TERF2IP: variants seen among roughly 807,000 people sequenced by gnomAD.
The protein encoded by TERF2IP is TERF2 interacting protein.
TERF2IP carries 35 observed loss-of-function variants against 33.3 expected under a neutral mutation model. The observed-to-expected ratio is 1.05, with a 90% CI of 0.80 to 1.39. The LOEUF (loss-of-function observed/expected upper bound fraction) is 1.39, where lower values mean the gene tolerates loss of function less well. Among genes scored for constraint, TERF2IP ranks in the 40% most tolerant of loss-of-function variants. The probability of loss-of-function intolerance (pLI) is 0.00; values close to 1 mark genes in which losing one functional copy is unlikely to be tolerated. For synonymous variants in TERF2IP, 253 were observed against 223.2 expected, an observed-to-expected ratio of 1.13 and a Z score of -1.19; for missense variants, 583 against 524.8, an observed-to-expected ratio of 1.11 and a Z score of -1.08.
chr16:75,653,363 T>G (rs1250520354), intron 1 of TERF2IP, among the ~76,000 whole-genome samples: 1 of 152,230 alleles, frequency 6.6e-6, no homozygotes, highest in African/African-American at 2.4e-5. Flanking sequence ...GAAATTATAT[T>G]GAATTTTTTG....
rs770718613 is a variant in TERF2IP, at chr16:75,648,349, G to A, written c.467G>A (p.Ser156Asn). The stretch of plus-strand genomic sequence containing the variant: ...GTGAAGGAAAATGCCCGCTCGCCCA[G>A]CTCCGTCACCGGTAACGCCTTGTGG... ...TYVKENARSPSSVTGNALWKA... is the reference protein window; with the variant it reads ...TYVKENARSPNSVTGNALWKA... Residue 156 changes from serine (S) to asparagine (N), a missense_variant, in exon 1 of 3, where the codon AGC becomes AAC. Physicochemically the swap from Ser to Asn is conservative, Grantham distance 46 (BLOSUM62 1). Coordinates refer to ENST00000300086, the MANE Select transcript of TERF2IP (RefSeq NM_018975.4). 1 of 1,594,882 alleles carries A rather than the reference G, an allele frequency of 6.3e-7. No homozygotes were observed. The highest frequency in any genetic ancestry group is 1.1e-5 in the South Asian group (1 of 87,962).
rs1466570165 is a variant in TERF2IP at position 75,648,057 on chromosome 16, C to T, written c.175C>T (p.Pro59Ser). 5 of 1,596,804 alleles carry T rather than the reference C, an allele frequency of 3.1e-6. No individual in the cohort carries two copies. The highest frequency in any genetic ancestry group is 4.3e-6 in the Non-Finnish European group (5 of 1,171,736). ...CGGCACCGTGTGCCGAGTGCAGGAG[C>T]CCGGGGCCGTGCTGCTGGCCCAGCC... ...GGGTVCRVQE[P>S]GAVLLAQPGE... is the part of the protein sequence containing the mutation. Residue 59 changes from proline (P) to serine (S), a missense_variant, in exon 1 of 3, where the codon CCC becomes TCC. Transcript: ENST00000300086.
intron 1 of TERF2IP, 90 bp from the exon 2 acceptor site, chr16:75,654,183 C>A: frequency 4.1e-5 from 36 of 881,644 alleles, no homozygotes; most frequent in Non-Finnish European, 5.0e-5. Context: ...AGTGCAGGCT[C>A]ACTCCTGGCC....
chr16:75,654,466 T>G, intron 2 of TERF2IP, 69 bp downstream of exon 2: 1 of 1,510,008 alleles, frequency 6.6e-7, no homozygotes, highest in Admixed American at 1.8e-5. Context: ...GGTTATCCTG[T>G]ACACCTTTTT....
At position 75,648,101 on chromosome 16, in the gene TERF2IP, G is replaced by A. The variant is rs750152484; in HGVS notation, c.219G>A (p.Glu73=). 2.6e-6 allele frequency: 4 copies of A among 1,558,276 alleles called. No homozygotes were observed. The African/African-American group carries it at 5.4e-5, about 21-fold the overall frequency. ...CCCAGCCCGGGGAGGCGCTGGCCGA[G>A]GCCTCGGGTGATTTCATCTCCACGC... is the stretch of plus-strand genomic sequence containing the variant. The part of the protein sequence containing the change: ...LLAQPGEALA[E]ASGDFISTQY... The change falls in exon 1 of 3, where the codon GAG becomes GAA. Residue 73 remains glutamate (E), a synonymous_variant. Transcript: ENST00000300086.
chr16:75,651,555 G>A (rs980897299), intron 1 of TERF2IP, among the ~76,000 whole-genome samples: 2 of 152,118 alleles, frequency 1.3e-5, no homozygotes, highest in East Asian at 1.9e-4. Flanking sequence ...CAGGCATGGT[G>A]GCATGCGCCT....
chr16:75,653,635 G>C (rs1232343072), intron 1 of TERF2IP, among the ~76,000 whole-genome samples: 2 of 152,190 alleles, frequency 1.3e-5, no homozygotes. Context: ...ACGTGGCCCA[G>C]ATCTGCCTTT....
At chr16:75,649,301 T>TG (rs2082329103) in intron 1 of TERF2IP, among the ~76,000 whole-genome samples, 2 of 152,168 alleles carry the variant, frequency 1.3e-5, no homozygotes, top group Admixed American at 1.3e-4. Context: ...CCCAGCACTT[T>TG]GGGAGGCCGA....
intron 1 of TERF2IP, 29 bp from the exon 2 acceptor site, chr16:75,654,244 C>T: frequency 6.4e-7 from 1 of 1,559,764 alleles, no homozygotes; most frequent in Non-Finnish European, 8.7e-7. Flanking sequence ...GAGGCTATTG[C>T]TAATCTGTGC....
chr16:75,656,327 G>C lies in TERF2IP; in HGVS notation c.916G>C (p.Val306Leu). 1.9e-6 allele frequency: 3 copies of C among 1,614,100 alleles called. No homozygotes were observed. The highest frequency in any genetic ancestry group is 2.5e-6 in the Non-Finnish European group (3 of 1,179,990). ...DEEEEEEEEK[V>L]SQPEVGAAIK... ...GGAGGAAGAAGAAGAAGAAGAAAAA[G>C]TTTCTCAACCAGAGGTGGGAGCTGC... is the stretch of plus-strand genomic sequence containing the variant. Residue 306 changes from valine (V) to leucine (L), a missense_variant, in exon 3 of 3, where the codon GTT becomes CTT. Coordinates refer to ENST00000300086, the MANE Select transcript of TERF2IP (RefSeq NM_018975.4).
At chr16:75,652,886 A>G (rs1213687261) in intron 1 of TERF2IP, among the ~76,000 whole-genome samples, 1 of 152,200 alleles carries the variant, frequency 6.6e-6, no homozygotes, top group East Asian at 1.9e-4. Context: ...TCTAGGGGTC[A>G]GAAACATGCC....
At position 75,647,785 on chromosome 16, in the gene TERF2IP, C is replaced by T; in HGVS notation, c.-98C>T. 1.9e-6 allele frequency: 3 copies of T among 1,575,890 alleles called. No homozygotes were observed. The highest frequency in any genetic ancestry group is 2.3e-5 in the East Asian group (1 of 44,316). ...GCTGCGCAGGCCCAGTGCTGCGCTTCGCGGCAGAGGCGTCTGCGGTGACAG... is the reference window on the plus strand; with the variant it reads ...GCTGCGCAGGCCCAGTGCTGCGCTTTGCGGCAGAGGCGTCTGCGGTGACAG... On this transcript the variant is annotated 5_prime_UTR_variant, in exon 1 of 3. Coordinates refer to ENST00000300086, the MANE Select transcript of TERF2IP (RefSeq NM_018975.4).
intron 2 of TERF2IP, 87 bp downstream of exon 2, chr16:75,654,484 C>T: frequency 7.1e-7 from 1 of 1,399,436 alleles, no homozygotes; most frequent in Non-Finnish European, 9.6e-7. Context: ...TTTCATCTAC[C>T]TGGGGCTCAG....
intron 1 of TERF2IP, among the ~76,000 whole-genome samples, chr16:75,651,108 A>G (rs1047004633): frequency 1.3e-5 from 2 of 152,218 alleles, no homozygotes; most frequent in Non-Finnish European, 2.9e-5. Flanking sequence ...GTGATAAGTT[A>G]TGAAGCCAAA....
chr16:75,648,569 CG>C lies in TERF2IP; in HGVS notation c.670+21del. ...ATAGCGGGGGTGAGGAGGCTGAGCG[CG>C]GGGCCTCGCGGATATCTGCGCGGGT... On this transcript the variant is annotated intron_variant, in intron 1 of 2. Coordinates refer to ENST00000300086, the MANE Select transcript of TERF2IP (RefSeq NM_018975.4). The C allele has an allele frequency of 6.6e-7, 1 of 1,515,248 alleles. No individual in the cohort carries two copies. The highest frequency in any genetic ancestry group is 8.9e-7 in the Non-Finnish European group (1 of 1,126,956). The allele number at this position is 1,515,248 out of a possible 1,614,324, so 93.9% of individuals were successfully genotyped here. A position where few individuals can be genotyped will look rare whatever the true frequency, so the allele number is the denominator to read the frequency against.
chr16:75,654,378 G>T lies in TERF2IP; in HGVS notation c.776G>T (p.Arg259Leu). The T allele has an allele frequency of 6.2e-7, 1 of 1,613,362 alleles. No individual in the cohort carries two copies. Among genetic ancestry groups the T allele is most frequent in the Non-Finnish European group, 8.5e-7 (1 of 1,179,634 alleles). Reference protein sequence around the residue: ...AVKKMLVEATREFEEVVVDES... With the variant: ...AVKKMLVEATLEFEEVVVDES... ...AAAAAGATGCTTGTGGAAGCCACCC[G>T]GGAGTTTGAGGAGGTTGTGGTATGT... Residue 259 changes from arginine to leucine, a missense_variant, in exon 2 of 3, where the codon CGG becomes CTG. Coordinates refer to ENST00000300086, the MANE Select transcript of TERF2IP (RefSeq NM_018975.4).
chr16:75,653,889 C>T (rs1430136622), intron 1 of TERF2IP, among the ~76,000 whole-genome samples: 4 of 152,110 alleles, frequency 2.6e-5, no homozygotes. Context: ...AATCACTTCC[C>T]AATTCTTTAA....
intron 1 of TERF2IP, among the ~76,000 whole-genome samples, chr16:75,652,062 A>G (rs2082351745): frequency 6.6e-6 from 1 of 152,188 alleles, no homozygotes. Context: ...TATAACGTAT[A>G]TTCCCTTAAA....
intron 1 of TERF2IP, among the ~76,000 whole-genome samples, chr16:75,651,196 G>A (rs971372121): frequency 4.6e-5 from 7 of 152,118 alleles, no homozygotes; most frequent in African/African-American, 7.2e-5. Flanking sequence ...CAGAGGGCAT[G>A]CTGGAAAAAC....
Sources: allele counts gnomAD v4.1 joint callset (sites outside exome capture counted in the v4.1 genomes callset), GRCh38; gene constraint gnomAD v4.1.1; transcripts MANE v1.5; gene names NCBI Gene and HGNC (gene_info 2026-07-23, HGNC 2026-07-21).